Variants in P4HA1 observed in about 807,000 individuals in gnomAD.
P4HA1 encodes the protein prolyl 4-hydroxylase subunit alpha 1.
Under a neutral mutation model 72.8 loss-of-function variants are expected in P4HA1, and 24 were observed. The observed-to-expected ratio is 0.33, with a 90% CI of 0.24 to 0.46. The LOEUF (loss-of-function observed/expected upper bound fraction) is 0.46. Ranked by LOEUF, P4HA1 falls within the 20% of genes least tolerant of loss-of-function variation. The pLI, the probability that P4HA1 is intolerant of heterozygous loss-of-function variation, is 1.00. For missense variants in P4HA1, 446 were observed against 640.6 expected (o/e 0.70, Z 3.28); for synonymous variants, 201 against 218.8 (o/e 0.92, Z 0.72).
intron 5 of P4HA1, among the ~76,000 whole-genome samples, chr10:73,067,118 C>CTTAG (rs1224845004): frequency 1.3e-5 from 2 of 152,106 alleles, no homozygotes; most frequent in African/African-American, 4.8e-5. Context: ...TCCTTTCCAC[C>CTTAG]TTAGCCTCCC....
intron 11 of P4HA1, among the ~76,000 whole-genome samples, chr10:73,016,410 A>AT (rs1307685805): frequency 6.6e-6 from 1 of 152,128 alleles, no homozygotes; most frequent in Non-Finnish European, 1.5e-5. Flanking sequence ...CCCTATACCT[A>AT]TCGCAATGGT....
At chr10:73,018,934 A>AGTATGCAAGACCCTGAGCC (rs1840071159) in intron 10 of P4HA1, among the ~76,000 whole-genome samples, 1 of 152,112 alleles carries the variant, frequency 6.6e-6, no homozygotes, top group Admixed American at 6.5e-5. Flanking sequence ...GTGTTACAAT[A>AGTATGCAAGACCCTGAGCC]GTATGCAAGA....
chr10:73,096,737 C>T (rs1343624278), intron 1 of P4HA1, 29 bp downstream of exon 1: 2 of 153,458 alleles, frequency 1.3e-5, no homozygotes, highest in Non-Finnish European at 2.9e-5. Context: ...CCAGTGGCCT[C>T]AGTCTCCGGG....
chr10:73,090,188 G>A (rs1842000656), intron 1 of P4HA1, among the ~76,000 whole-genome samples: 1 of 151,886 alleles, frequency 6.6e-6, no homozygotes, highest in South Asian at 2.1e-4. Flanking sequence ...CTGGAGTACA[G>A]TAGCACAATC....
At chr10:73,048,367 A>G (rs1317642714) in intron 7 of P4HA1, among the ~76,000 whole-genome samples, 2 of 152,106 alleles carry the variant, frequency 1.3e-5, no homozygotes, top group Admixed American at 1.3e-4. Flanking sequence ...GGGTTCAAGC[A>G]ATTCTCCTGC....
chr10:73,073,022 T>C (rs1387286952), intron 3 of P4HA1, among the ~76,000 whole-genome samples: 2 of 151,318 alleles, frequency 1.3e-5, no homozygotes, highest in African/African-American at 4.9e-5. Context: ...ATACAAAAAT[T>C]ACCCGGGCAT....
chr10:73,018,614 G>T (rs907640933), intron 10 of P4HA1, among the ~76,000 whole-genome samples: 8 of 147,116 alleles, frequency 5.4e-5, no homozygotes, highest in African/African-American at 2.1e-4. Flanking sequence ...GTGACTACTA[G>T]AACCTGGTGC....
intron 7 of P4HA1, among the ~76,000 whole-genome samples, chr10:73,049,323 G>C (rs1200313646): frequency 2.0e-5 from 3 of 152,122 alleles, no homozygotes; most frequent in Admixed American, 6.5e-5. Flanking sequence ...CAGTAGTAAA[G>C]AAAATGTTAA....
intron 5 of P4HA1, among the ~76,000 whole-genome samples, chr10:73,058,186 G>C (rs532312915): frequency 1.3e-5 from 2 of 150,042 alleles, no homozygotes; most frequent in South Asian, 2.1e-4. Flanking sequence ...GTCATGGGAC[G>C]CGCTCTAGCA....
chr10:73,019,756 T>C (rs1199474710), intron 10 of P4HA1, among the ~76,000 whole-genome samples: 1 of 49,296 alleles, frequency 2.0e-5, no homozygotes, highest in African/African-American at 8.8e-5. Flanking sequence ...AAGAATTCAA[T>C]GAATGAAATT....
At chr10:73,030,759 TCTTTAGTCTGAG>T (rs1385955753) in intron 9 of P4HA1, among the ~76,000 whole-genome samples, 2 of 152,116 alleles carry the variant, frequency 1.3e-5, no homozygotes, top group Non-Finnish European at 2.9e-5. Context: ...AGTCATGGGG[TCTTTAGTCTGAG>T]CTACATAATG....
At chr10:73,044,637 T>C (rs1840810685) in intron 9 of P4HA1, among the ~76,000 whole-genome samples, 1 of 152,150 alleles carries the variant, frequency 6.6e-6, no homozygotes, top group African/African-American at 2.4e-5. Flanking sequence ...TACTCCCAGA[T>C]TCAGGAGGCT....
intron 1 of P4HA1, among the ~76,000 whole-genome samples, chr10:73,083,747 C>T (rs1245798903): frequency 2.6e-5 from 4 of 152,078 alleles, no homozygotes; most frequent in Non-Finnish European, 4.4e-5. Context: ...TTCTGAATGC[C>T]TGAACTACAT....
intron 1 of P4HA1, among the ~76,000 whole-genome samples, chr10:73,086,182 T>C (rs762743574): frequency 6.6e-6 from 1 of 152,212 alleles, no homozygotes; most frequent in Non-Finnish European, 1.5e-5. Flanking sequence ...CATAGGTCTA[T>C]ACCCAAAAGA....
chr10:73,030,918 G>A (rs1840419152), intron 9 of P4HA1, among the ~76,000 whole-genome samples: 1 of 152,118 alleles, frequency 6.6e-6, no homozygotes, highest in African/African-American at 2.4e-5. Context: ...ATTGCTAATG[G>A]GAATGTAAAA....
chr10:73,093,369 G>A (rs1842077724), intron 1 of P4HA1, among the ~76,000 whole-genome samples: 1 of 152,010 alleles, frequency 6.6e-6, no homozygotes, highest in Admixed American at 6.6e-5. Flanking sequence ...GGAAGACCAG[G>A]AAAAAGAATG....
At chr10:73,072,252 G>T in intron 3 of P4HA1, 72 bp from the exon 4 acceptor site, 1 of 1,246,426 alleles carries the variant, frequency 8.0e-7, no homozygotes, top group Non-Finnish European at 1.1e-6. Flanking sequence ...GAAACGCTCA[G>T]AAAAAAAATG....
At chr10:73,042,594 A>G (rs780067911) in intron 9 of P4HA1, among the ~76,000 whole-genome samples, 4 of 152,138 alleles carry the variant, frequency 2.6e-5, no homozygotes, top group Admixed American at 6.5e-5. Flanking sequence ...ATCCACCATC[A>G]TCCACTTAAA....
chr10:73,016,770 GT>G (rs1840015003), intron 11 of P4HA1, 75 bp downstream of exon 11: 4 of 1,127,302 alleles, frequency 3.5e-6, no homozygotes, highest in Admixed American at 3.6e-5. Context: ...GAGTGAGACT[GT>G]TTTTTTGTTT....
Sources: gnomAD v4.1 joint callset for allele counts (sites outside exome capture counted in the v4.1 genomes callset) on GRCh38, gnomAD v4.1.1 for gene constraint, MANE v1.5 for transcripts, NCBI Gene and HGNC (gene_info 2026-07-23, HGNC 2026-07-21) for gene names.